The following EYS variants were observed in gnomAD, a reference collection of about 807,000 sequenced individuals.
EYS encodes the protein EGF-like photoreceptor maintenance factor.
EYS carries 250 observed loss-of-function variants against 282.1 expected under a neutral mutation model. That is an observed-to-expected ratio of 0.89 (90% CI 0.80 to 0.98). The LOEUF (loss-of-function observed/expected upper bound fraction) is 0.98. EYS is among the 50% of genes least tolerant of loss of function. EYS has a pLI of 0.00. For synonymous variants in EYS, 1,355 were observed against 1,282.9 expected (o/e 1.06, Z -1.20); for missense variants, 4,016 against 3,709.0 (o/e 1.08, Z -2.15).
At position 65,005,182 on chromosome 6, in the gene EYS, C is replaced by T. The variant is rs183394993; in HGVS notation, c.2138-7479G>A. Among the ~76,000 whole-genome samples the T allele has an allele frequency of 4.7e-5, 7 of 148,030 alleles. 1 individual carries two copies. The highest frequency in any genetic ancestry group is 1.2e-4 in the African/African-American group (5 of 41,284). On this transcript the variant is annotated intron_variant, in intron 13 of 42. Coordinates refer to ENST00000503581, the MANE Select transcript of EYS (RefSeq NM_001142800.2). The stretch of plus-strand genomic sequence containing the variant: ...CATCCCTTGAGATCTGGCAGGATGT[C>T]CGCTGTGCTCCTGATCCAGCGAGGC...
chr6:65,084,261 C>T (rs1001842442), intron 12 of EYS, among the ~76,000 whole-genome samples: 8 of 152,082 alleles, frequency 5.3e-5, no homozygotes, highest in African/African-American at 1.9e-4. Flanking sequence ...TGACAATTGC[C>T]ATTAATTTAC....
intron 15 of EYS, among the ~76,000 whole-genome samples, chr6:64,940,909 T>A (rs1386135597): frequency 6.6e-6 from 1 of 152,100 alleles, no homozygotes; most frequent in African/African-American, 2.4e-5. Flanking sequence ...GAATGTATGA[T>A]TTATTTTGGA....
At chr6:65,610,010 C>A (rs1027188) in intron 2 of EYS, among the ~76,000 whole-genome samples, 1 of 151,886 alleles carries the variant, frequency 6.6e-6, no homozygotes, top group Admixed American at 6.6e-5. Flanking sequence ...AGTATCCTTT[C>A]GAATCAGCCT....
intron 15 of EYS, among the ~76,000 whole-genome samples, chr6:64,933,459 G>T (rs1391911314): frequency 2.6e-5 from 4 of 152,064 alleles, no homozygotes; most frequent in South Asian, 4.1e-4. Context: ...AGTTAGAATG[G>T]CAATCATTAA....
intron 19 of EYS, among the ~76,000 whole-genome samples, chr6:64,863,480 A>G (rs943375474): frequency 3.9e-5 from 6 of 152,154 alleles, no homozygotes; most frequent in African/African-American, 1.2e-4. Context: ...TACTTTTTAA[A>G]AAAATTTATG....
chr6:63,813,135 T>C lies in EYS; in HGVS notation c.7229-6763A>G, dbSNP rs540791624. Among the ~76,000 whole-genome samples, 8 of 152,114 alleles carry C rather than the reference T, an allele frequency of 5.3e-5. No individual in the cohort carries two copies. The South Asian group carries it at 1.7e-3, about 32-fold the overall frequency. ...CTGGGACTACAGGCATCCGCCACCA[T>C]GCCTGGCTAACTTTTGTATTTTTTT... On this transcript the variant is annotated intron_variant, in intron 36 of 42. Transcript: ENST00000503581.
Position 63,720,502 on chromosome 6 carries a change from A to C in EYS, c.*94T>G. ...TTTAGACTATTTCAGGTAATATAGT[A>C]AACAGTTGATTCCCCGTAAGCAATG... is the stretch of plus-strand genomic sequence containing the variant. On this transcript the variant is annotated 3_prime_UTR_variant, in exon 43 of 43. Coordinates refer to ENST00000503581, the MANE Select transcript of EYS (RefSeq NM_001142800.2). 1.1e-6 allele frequency: 1 copy of C among 889,030 alleles called. No individual in the cohort carries two copies. Among genetic ancestry groups the C allele is most frequent in the Non-Finnish European group, 1.7e-6 (1 of 604,192 alleles). 55.1% of individuals were successfully genotyped at this position (889,030 alleles called of 1,614,324 possible). A position where few individuals can be genotyped will look rare whatever the true frequency, so the allele number is the denominator to read the frequency against.
chr6:64,401,211 C>T (rs1320612394), intron 28 of EYS, among the ~76,000 whole-genome samples: 1 of 152,054 alleles, frequency 6.6e-6, no homozygotes, highest in Non-Finnish European at 1.5e-5. Flanking sequence ...AATCAACTCT[C>T]TCATCTGATC....
At chr6:64,514,565 TG>T (rs1239918372) in intron 26 of EYS, among the ~76,000 whole-genome samples, 8 of 151,850 alleles carry the variant, frequency 5.3e-5, no homozygotes, top group Non-Finnish European at 2.9e-5. Flanking sequence ...GCAACTACAA[TG>T]TCCACCTGTG....
chr6:65,209,084 A>G (rs536926088), intron 12 of EYS, among the ~76,000 whole-genome samples: 1 of 151,924 alleles, frequency 6.6e-6, no homozygotes, highest in Non-Finnish European at 1.5e-5. Flanking sequence ...GAATGGCATC[A>G]GGGCTTCTGA....
chr6:64,430,897 T>C (rs1774556021), intron 28 of EYS, among the ~76,000 whole-genome samples: 1 of 152,112 alleles, frequency 6.6e-6, no homozygotes, highest in Admixed American at 6.6e-5. Context: ...ACAATATAAT[T>C]TGAGTAAGGT....
chr6:64,200,814 T>C (rs1264396591), intron 31 of EYS, among the ~76,000 whole-genome samples: 1 of 152,154 alleles, frequency 6.6e-6, no homozygotes, highest in Non-Finnish European at 1.5e-5. Flanking sequence ...CAAAATTATA[T>C]AAACATTAGT....
Position 65,094,818 on chromosome 6 carries a change from A to G in EYS, c.2024-37091T>C, listed in dbSNP as rs760494657. Among the ~76,000 whole-genome samples, 56 of 151,310 alleles carry G rather than the reference A, an allele frequency of 3.7e-4. 1 individual carries two copies. The highest frequency in any genetic ancestry group is 2.0e-4 in the Admixed American group (3 of 15,132). On this transcript the variant is annotated intron_variant, in intron 12 of 42. Transcript: ENST00000503581. ...AACTCTATACCTCAAGAAGCTGGAAAAGGAATAACAAATTAAGCACAAAAT... is the reference window on the plus strand; with the variant it reads ...AACTCTATACCTCAAGAAGCTGGAAGAGGAATAACAAATTAAGCACAAAAT...
At chr6:65,039,846 C>A (rs1772879392) in intron 13 of EYS, among the ~76,000 whole-genome samples, 1 of 151,144 alleles carries the variant, frequency 6.6e-6, no homozygotes, top group Non-Finnish European at 1.5e-5. Flanking sequence ...TGCTAGATAG[C>A]AAAATGTAGT....
At chr6:64,989,795 T>C (rs1771000117) in intron 14 of EYS, among the ~76,000 whole-genome samples, 1 of 77,308 alleles carries the variant, frequency 1.3e-5, no homozygotes, top group Non-Finnish European at 2.4e-5. Context: ...AGAATATATA[T>C]TCATACACAC....
chr6:65,600,655 T>A (rs2149789851), intron 2 of EYS, among the ~76,000 whole-genome samples: 1 of 152,146 alleles, frequency 6.6e-6, no homozygotes, highest in Admixed American at 6.6e-5. Flanking sequence ...CAAATCCCAA[T>A]CAGGAAAATA....
intron 31 of EYS, among the ~76,000 whole-genome samples, chr6:64,091,596 T>C (rs563815483): frequency 1.1e-4 from 17 of 152,286 alleles, no homozygotes; most frequent in Non-Finnish European, 2.2e-4. Context: ...GGCCTCTACG[T>C]TGATGGTCCC....
intron 16 of EYS, among the ~76,000 whole-genome samples, chr6:64,911,587 C>A (rs1767991913): frequency 6.6e-6 from 1 of 152,040 alleles, no homozygotes; most frequent in African/African-American, 2.4e-5. Context: ...AAGAGACTCC[C>A]TTAAGGGCCA....
chr6:64,133,296 C>T (rs1247403066), intron 31 of EYS, among the ~76,000 whole-genome samples: 1 of 151,982 alleles, frequency 6.6e-6, no homozygotes, highest in African/African-American at 2.4e-5. Context: ...CTTATAAAAA[C>T]TAGCCTGAAG....
Sources: allele counts gnomAD v4.1 joint callset (sites outside exome capture counted in the v4.1 genomes callset), GRCh38; gene constraint gnomAD v4.1.1; transcripts MANE v1.5; gene names NCBI Gene and HGNC (gene_info 2026-07-23, HGNC 2026-07-21).